SLC9D1: variants seen among roughly 807,000 people sequenced by gnomAD.
The protein encoded by SLC9D1 is putative LAG1-interacting protein.
the SLC9D1 span, among the ~76,000 whole-genome samples, chr13:113,495,229 T>A: frequency 6.6e-6 from 1 of 152,152 alleles, no homozygotes; most frequent in African/African-American, 2.4e-5. Context: ...CGAGGCTGCG[T>A]CGCCCCCCAA....
the SLC9D1 span, among the ~76,000 whole-genome samples, chr13:113,514,633 C>T: frequency 1.3e-3 from 138 of 107,534 alleles, 19 homozygotes; most frequent in African/African-American, 6.1e-3. Flanking sequence ...TGTTTTAGAC[C>T]GAGTCTTGCA....
At chr13:113,520,085 CAAGT>C in the SLC9D1 span, among the ~76,000 whole-genome samples, 2 of 152,160 alleles carry the variant, frequency 1.3e-5, no homozygotes, top group Non-Finnish European at 2.9e-5. Flanking sequence ...ATATAAATAA[CAAGT>C]AAGTCGTGGA....
chr13:113,501,712 T>A, the SLC9D1 span: 1 of 1,563,250 alleles, frequency 6.4e-7, no homozygotes, highest in Non-Finnish European at 8.8e-7. Context: ...CTTACCACTG[T>A]TATCTTATAC....
At chr13:113,498,303 C>A in the SLC9D1 span, 1 of 1,418,126 alleles carries the variant, frequency 7.1e-7, no homozygotes, top group Non-Finnish European at 9.4e-7. Context: ...TAGCTTATTT[C>A]TTAATATATC....
chr13:113,515,271 C>T, the SLC9D1 span, among the ~76,000 whole-genome samples: 1 of 152,156 alleles, frequency 6.6e-6, no homozygotes. Context: ...TGTATTCATA[C>T]ATTGGAATGC....
At chr13:113,544,888 A>G in the SLC9D1 span, among the ~76,000 whole-genome samples, 91 of 152,384 alleles carry the variant, frequency 6.0e-4, no homozygotes, top group African/African-American at 2.2e-3. Context: ...GTGTTCGTCC[A>G]TAAAGCACGA....
the SLC9D1 span, among the ~76,000 whole-genome samples, chr13:113,507,361 C>T: frequency 6.6e-6 from 1 of 152,122 alleles, no homozygotes; most frequent in Non-Finnish European, 1.5e-5. Context: ...AAATATCTGG[C>T]CAAGCTTTAG....
the SLC9D1 span, chr13:113,496,077 A>G: frequency 7.8e-7 from 1 of 1,282,378 alleles, no homozygotes; most frequent in Admixed American, 2.2e-5. Context: ...AGAGAGGTGA[A>G]GAGAGAGGGA....
At chr13:113,531,403 C>T in the SLC9D1 span, among the ~76,000 whole-genome samples, 7 of 152,254 alleles carry the variant, frequency 4.6e-5, no homozygotes, top group African/African-American at 1.4e-4. Flanking sequence ...GCCGTGGACA[C>T]GGCGCCCCGT....
chr13:113,526,016 G>A, the SLC9D1 span, among the ~76,000 whole-genome samples: 157 of 149,274 alleles, frequency 1.1e-3, no homozygotes, highest in African/African-American at 3.7e-3. Flanking sequence ...AGCCGTCGTC[G>A]TCGTAGGAGA....
At chr13:113,547,389 G>A in the SLC9D1 span, 5 of 1,606,508 alleles carry the variant, frequency 3.1e-6, no homozygotes, top group African/African-American at 5.4e-5. Flanking sequence ...GGTATGGACT[G>A]GAAGGGTCCA....
chr13:113,508,594 T>G, the SLC9D1 span, among the ~76,000 whole-genome samples: 1 of 152,282 alleles, frequency 6.6e-6, no homozygotes, highest in Non-Finnish European at 1.5e-5. Flanking sequence ...GAGTAGAGAC[T>G]TACCTGAGTC....
the SLC9D1 span, among the ~76,000 whole-genome samples, chr13:113,544,920 T>C: frequency 6.6e-4 from 100 of 152,376 alleles, no homozygotes; most frequent in African/African-American, 2.4e-3. Context: ...TCTTGGCCTT[T>C]GTGGAAGATG....
chr13:113,539,210 A>C, the SLC9D1 span: 244,312 of 710,902 alleles, frequency 0.34, 46,438 homozygotes, highest in African/African-American at 0.64. The surrounding 1 kb of genome is among the most constrained non-coding windows in gnomAD (Gnocchi z 4.8). Flanking sequence ...CCAGCAGACG[A>C]CCCAGGACCA....
chr13:113,501,672 T>C, the SLC9D1 span: 24 of 1,143,652 alleles, frequency 2.1e-5, 2 homozygotes, highest in South Asian at 3.4e-4. Context: ...AACTACGTCC[T>C]GTTCTGTGCC....
chr13:113,503,923 G>T, the SLC9D1 span: 2 of 202,368 alleles, frequency 9.9e-6, no homozygotes, highest in Non-Finnish European at 2.0e-5. Flanking sequence ...CATATTCAGT[G>T]TGTTACCCTA....
the SLC9D1 span, among the ~76,000 whole-genome samples, chr13:113,503,189 G>A: frequency 6.6e-6 from 1 of 152,096 alleles, no homozygotes. Flanking sequence ...AGGTGAAGTG[G>A]CTGGGTAACA....
At chr13:113,530,972 C>T in the SLC9D1 span, among the ~76,000 whole-genome samples, 1 of 152,146 alleles carries the variant, frequency 6.6e-6, no homozygotes, top group East Asian at 1.9e-4. Context: ...CTGGGTGGTG[C>T]CCAGGTTGGG....
chr13:113,525,620 G>A, the SLC9D1 span, among the ~76,000 whole-genome samples: 2 of 109,048 alleles, frequency 1.8e-5, no homozygotes, highest in African/African-American at 9.6e-5. Context: ...CATAGCAGAC[G>A]ACAGCTCTGT....
Sources: allele counts gnomAD v4.1 joint callset (sites outside exome capture counted in the v4.1 genomes callset), GRCh38; gene constraint gnomAD v4.1.1; non-coding constraint Gnocchi (gnomAD v3.1); transcripts MANE v1.5; gene names NCBI Gene and HGNC (gene_info 2026-07-23, HGNC 2026-07-21).